The following KIF13A variants were observed in gnomAD, a reference collection of about 807,000 sequenced individuals.
KIF13A encodes kinesin-like protein KIF13A.
In KIF13A, 79 loss-of-function variants were observed where a neutral mutation model predicts 212.2. The observed-to-expected ratio is 0.37, with a 90% CI of 0.31 to 0.45. KIF13A has a LOEUF of 0.45. Ranked by LOEUF, KIF13A falls within the 20% of genes least tolerant of loss-of-function variation. KIF13A has a pLI of 1.00. For synonymous variants in KIF13A, 789 were observed against 808.6 expected (o/e 0.98, Z 0.41); for missense variants, 1,901 against 2,209.0 (o/e 0.86, Z 2.79).
intron 7 of KIF13A, among the ~76,000 whole-genome samples, chr6:17,851,649 T>A (rs1197144425): frequency 6.6e-6 from 1 of 152,236 alleles, no homozygotes; most frequent in Non-Finnish European, 1.5e-5. Flanking sequence ...GAATACCACA[T>A]GTCTAGAAGG....
intron 4 of KIF13A, among the ~76,000 whole-genome samples, chr6:17,859,336 C>T (rs1768469195): frequency 1.3e-5 from 2 of 151,892 alleles, no homozygotes; most frequent in Non-Finnish European, 1.5e-5. Context: ...AGCATGGTGG[C>T]TCACACCTGT....
rs745833046 is a variant in KIF13A at position 17,967,820 on chromosome 6, C to T, written c.146+19234G>A. Among the ~76,000 whole-genome samples the T allele has an allele frequency of 4.6e-5, 7 of 152,166 alleles. No homozygotes were observed. The highest frequency in any genetic ancestry group is 8.8e-5 in the Non-Finnish European group (6 of 68,034). Reference sequence around the variant, plus strand: ...GATGTTTGACAATCACTGTGAGATGCATCACAAGTAACTTGTTAATAAGGT... The same window carrying T: ...GATGTTTGACAATCACTGTGAGATGTATCACAAGTAACTTGTTAATAAGGT... On this transcript the variant is annotated intron_variant, in intron 2 of 38. Transcript: ENST00000259711. This position sits in a 1 kb window ranked among gnomAD's most constrained non-coding sequence, Gnocchi z 4.1.
rs575230512 is a variant in KIF13A, at chr6:17,871,636, G to A, written c.220+1741C>T. On this transcript the variant is annotated intron_variant, in intron 4 of 38. Coordinates refer to ENST00000259711, the MANE Select transcript of KIF13A (RefSeq NM_022113.6). This position sits in a 1 kb window ranked among gnomAD's most constrained non-coding sequence, Gnocchi z 4.4. ...CAGACACTGGGCTGAGGCACTGAAT[G>A]AGTGGTGAGAGGAGTCCCAGAAGAG... Among the ~76,000 whole-genome samples, 1 of 152,258 alleles carries A rather than the reference G, an allele frequency of 6.6e-6. No homozygotes were observed. Among genetic ancestry groups the A allele is most frequent in the East Asian group, 1.9e-4 (1 of 5,176 alleles).
In KIF13A at chr6:17,982,035, GTTTTGGA is replaced by G. The variant is rs1268254338; in HGVS notation, c.146+5012_146+5018del. ...ATCTAAAATGCTTGGGACCAGAAGTGTTTTGGATTTTGAATTTTTCTTGAATTTGGAA... is the reference window on the plus strand; with the variant it reads ...ATCTAAAATGCTTGGGACCAGAAGTGTTTTGAATTTTTCTTGAATTTGGAA... On this transcript the variant is annotated intron_variant, in intron 2 of 38. Transcript: ENST00000259711. The surrounding 1 kb of genome is among the most constrained non-coding windows in gnomAD (Gnocchi z 5.1). Among the ~76,000 whole-genome samples the G allele has an allele frequency of 6.6e-6, 1 of 151,666 alleles. No individual in the cohort carries two copies.
chr6:17,803,693 G>A (rs1335271572), intron 20 of KIF13A, among the ~76,000 whole-genome samples: 2 of 152,154 alleles, frequency 1.3e-5, no homozygotes, highest in Non-Finnish European at 2.9e-5. Context: ...CCATTTAGGG[G>A]CCAGGAAGGA....
In KIF13A at chr6:17,888,440, A is replaced by G. The variant is rs1403843942; in HGVS notation, c.159+9728T>C. 6.6e-6 allele frequency among the ~76,000 whole-genome samples: 1 copy of G among 152,220 alleles called. No individual in the cohort carries two copies. The highest frequency in any genetic ancestry group is 1.5e-5 in the Non-Finnish European group (1 of 68,038). On this transcript the variant is annotated intron_variant, in intron 3 of 38. Coordinates refer to ENST00000259711, the MANE Select transcript of KIF13A (RefSeq NM_022113.6). The surrounding 1 kb of genome is among the most constrained non-coding windows in gnomAD (Gnocchi z 4.8). ...AGGAAGTATACTGGTGTTCAGTACT[A>G]AGCCATGGGTTTGATCTGAAACAGA... is the stretch of plus-strand genomic sequence containing the variant.
chr6:17,800,228 T>C, intron 20 of KIF13A, 115 bp from the exon 21 acceptor site: 1 of 1,002,308 alleles, frequency 1.0e-6, no homozygotes, highest in Non-Finnish European at 1.4e-6. Context: ...AGCTGCTGCT[T>C]GGTCGTCTTC....
At chr6:17,775,606 T>C (rs1759892339) in intron 34 of KIF13A, among the ~76,000 whole-genome samples, 1 of 152,218 alleles carries the variant, frequency 6.6e-6, no homozygotes. Flanking sequence ...AGCATAGTAA[T>C]AGTCATTATT....
rs1207806428 is a variant in KIF13A, at chr6:17,783,731, C to T, written c.3489-30G>A. On this transcript the variant is annotated intron_variant, in intron 28 of 38. Coordinates refer to ENST00000259711, the MANE Select transcript of KIF13A (RefSeq NM_022113.6). This position sits in a 1 kb window ranked among gnomAD's most constrained non-coding sequence, Gnocchi z 4.3. ...ATTTAATAACAACATTTAATCATAA[C>T]AAAATATGTATTTTACATCTTGTTA... 7.1e-7 allele frequency: 1 copy of T among 1,401,072 alleles called. No homozygotes were observed. The highest frequency in any genetic ancestry group is 9.9e-7 in the Non-Finnish European group (1 of 1,008,200). The allele number at this position is 1,401,072 out of a possible 1,614,324, so 86.8% of individuals were successfully genotyped here.
chr6:17,760,657 C>A (rs1297631993), downstream of KIF13A: 1 of 596,254 alleles, frequency 1.7e-6, no homozygotes. Flanking sequence ...TGTTGATTCA[C>A]CCAAGTGACA....
rs1328106296 is a variant in KIF13A, at chr6:17,967,567, T to C, written c.146+19487A>G. 1.3e-5 allele frequency among the ~76,000 whole-genome samples: 2 copies of C among 152,212 alleles called. No individual in the cohort carries two copies. Among genetic ancestry groups the C allele is most frequent in the Non-Finnish European group, 2.9e-5 (2 of 68,040 alleles). On this transcript the variant is annotated intron_variant, in intron 2 of 38. Transcript: ENST00000259711. This position sits in a 1 kb window ranked among gnomAD's most constrained non-coding sequence, Gnocchi z 4.1. Reference sequence around the variant, plus strand: ...AAGTCTTTCTGGAAGACTGCACGTGTCAGGAGCAGAGATGCCTGGTTATCC... The same window carrying C: ...AAGTCTTTCTGGAAGACTGCACGTGCCAGGAGCAGAGATGCCTGGTTATCC...
downstream of KIF13A, among the ~76,000 whole-genome samples, chr6:17,762,951 C>T (rs888122359): frequency 3.9e-5 from 6 of 152,264 alleles, no homozygotes; most frequent in Non-Finnish European, 8.8e-5. Flanking sequence ...GATAGAGTAG[C>T]AGCATGATTA....
chr6:17,910,738 T>TCACC (rs1773975276), intron 2 of KIF13A, among the ~76,000 whole-genome samples: 4 of 152,252 alleles, frequency 2.6e-5, no homozygotes, highest in African/African-American at 9.6e-5. Flanking sequence ...ACAGGGTTTC[T>TCACC]AATAAATTCA....
chr6:17,878,078 T>G (rs755993060), intron 3 of KIF13A, among the ~76,000 whole-genome samples: 18 of 152,248 alleles, frequency 1.2e-4, no homozygotes, highest in Non-Finnish European at 2.6e-4. Context: ...ATATTATTCA[T>G]GTCCCTTATG....
Position 17,918,283 on chromosome 6 carries a change from A to C in KIF13A, c.147-20103T>G, listed in dbSNP as rs931613050. 1.3e-5 allele frequency among the ~76,000 whole-genome samples: 2 copies of C among 152,158 alleles called. No homozygotes were observed. Among genetic ancestry groups the C allele is most frequent in the Admixed American group, 6.5e-5 (1 of 15,282 alleles). On this transcript the variant is annotated intron_variant, in intron 2 of 38. Coordinates refer to ENST00000259711, the MANE Select transcript of KIF13A (RefSeq NM_022113.6). The surrounding 1 kb of genome is among the most constrained non-coding windows in gnomAD (Gnocchi z 4.8). ...TGCAGCAGAGGATAAATGTTTACTG[A>C]ATAAATACATACATGCATAAAAAAT...
At chr6:17,870,980 A>G (rs1769949301) in intron 4 of KIF13A, among the ~76,000 whole-genome samples, 1 of 152,230 alleles carries the variant, frequency 6.6e-6, no homozygotes, top group Non-Finnish European at 1.5e-5. Flanking sequence ...ATTGTAGCTC[A>G]GAGAAATTAA....
intron 2 of KIF13A, among the ~76,000 whole-genome samples, chr6:17,920,742 C>T (rs1259205438): frequency 2.6e-5 from 4 of 151,742 alleles, no homozygotes; most frequent in African/African-American, 7.3e-5. Flanking sequence ...GGCCTGGGGG[C>T]GTGCACCTGT....
intron 2 of KIF13A, among the ~76,000 whole-genome samples, chr6:17,943,036 G>C (rs1260534454): frequency 1.3e-5 from 2 of 152,008 alleles, no homozygotes; most frequent in African/African-American, 4.8e-5. Context: ...TTAAAGCAGA[G>C]AATCATAAAA....
In KIF13A at chr6:17,776,020, A is replaced by G. The variant is rs903215490; in HGVS notation, c.4171-958T>C. Reference sequence around the variant, plus strand: ...CAGCCACCCGAGTAGCTGGGATTACAGGCACCTGCCACGATGCCCAGCTAA... The same window carrying G: ...CAGCCACCCGAGTAGCTGGGATTACGGGCACCTGCCACGATGCCCAGCTAA... On this transcript the variant is annotated intron_variant, in intron 34 of 38. Coordinates refer to ENST00000259711, the MANE Select transcript of KIF13A (RefSeq NM_022113.6). The surrounding 1 kb of genome is among the most constrained non-coding windows in gnomAD (Gnocchi z 4.6). Among the ~76,000 whole-genome samples the G allele has an allele frequency of 6.6e-6, 1 of 152,038 alleles. No individual in the cohort carries two copies. Among genetic ancestry groups the G allele is most frequent in the Non-Finnish European group, 1.5e-5 (1 of 68,014 alleles).
Sources: gnomAD v4.1 joint callset for allele counts (sites outside exome capture counted in the v4.1 genomes callset) on GRCh38, gnomAD v4.1.1 for gene constraint, Gnocchi (gnomAD v3.1) non-coding constraint, MANE v1.5 for transcripts, NCBI Gene and HGNC (gene_info 2026-07-23, HGNC 2026-07-21) for gene names.